TMEM38B: variants seen among roughly 807,000 people sequenced by gnomAD.
The protein encoded by TMEM38B is transmembrane protein 38B.
In TMEM38B, 24 loss-of-function variants were observed where a neutral mutation model predicts 28.7. That is an observed-to-expected ratio of 0.84 (90% CI 0.61 to 1.18). TMEM38B has a LOEUF of 1.18. Among genes scored for constraint, TMEM38B ranks in the 50% most tolerant of loss-of-function variants. The pLI, the probability that TMEM38B is intolerant of heterozygous loss-of-function variation, is 0.00. For missense variants in TMEM38B, 380 were observed against 350.9 expected, an observed-to-expected ratio of 1.08 and a Z score of -0.66; for synonymous variants, 131 against 127.7, an observed-to-expected ratio of 1.03 and a Z score of -0.17.
At chr9:105,737,441 G>A (rs1246707426) in intron 4 of TMEM38B, among the ~76,000 whole-genome samples, 1 of 152,164 alleles carries the variant, frequency 6.6e-6, no homozygotes, top group African/African-American at 2.4e-5. Flanking sequence ...GTAGTATATG[G>A]CAGAGGCCCA....
chr9:105,766,551 TC>T lies in TMEM38B; in HGVS notation c.661-7312del, dbSNP rs1430762420. ...ATAATTTTCTCCCAGTTTATGCTCT[TC>T]CTTTTTCTTTGTTTAGTGTTGTCTT... On this transcript the variant is annotated intron_variant, in intron 5 of 5. Transcript: ENST00000374692. 3.3e-5 allele frequency among the ~76,000 whole-genome samples: 5 copies of T among 152,252 alleles called. No homozygotes were observed. In the East Asian group the frequency reaches 9.7e-4, roughly 29 times the overall value.
chr9:105,773,435 G>A (rs1826623234), intron 5 of TMEM38B, among the ~76,000 whole-genome samples: 1 of 152,146 alleles, frequency 6.6e-6, no homozygotes, highest in Admixed American at 6.6e-5. Flanking sequence ...TTTTGGGCAA[G>A]TTATTTAACC....
At position 105,773,890 on chromosome 9, in the gene TMEM38B, C is replaced by A. The variant is rs996636978; in HGVS notation, c.686C>A (p.Ser229Tyr). 6 of 1,613,606 alleles carry A rather than the reference C, an allele frequency of 3.7e-6. No individual in the cohort carries two copies. The highest frequency in any genetic ancestry group is 5.1e-6 in the Non-Finnish European group (6 of 1,179,666). ...ATAACCATGATGACTACACAGACTT[C>A]TACTATGACATTTGCTCCTTTTGAG... ...TKITMMTTQTSTMTFAPFEDT... is the reference protein window; with the variant it reads ...TKITMMTTQTYTMTFAPFEDT... The change falls in exon 6 of 6, where the codon TCT becomes TAT. Residue 229 changes from serine (S) to tyrosine (Y), a missense_variant. Coordinates refer to ENST00000374692, the MANE Select transcript of TMEM38B (RefSeq NM_018112.3).
intron 5 of TMEM38B, among the ~76,000 whole-genome samples, chr9:105,752,961 T>C (rs746297971): frequency 6.6e-6 from 1 of 152,152 alleles, no homozygotes; most frequent in Non-Finnish European, 1.5e-5. Context: ...ATAGCCAGTT[T>C]AGAGAGGAAC....
intron 4 of TMEM38B, 27 bp from the exon 5 acceptor site, chr9:105,748,046 C>T: frequency 1.4e-6 from 2 of 1,467,430 alleles, no homozygotes; most frequent in Non-Finnish European, 1.9e-6. Context: ...TTATTACTTG[C>T]TGATTTAAAA....
chr9:105,739,374 T>C (rs1173146637), intron 4 of TMEM38B, among the ~76,000 whole-genome samples: 1 of 151,990 alleles, frequency 6.6e-6, no homozygotes, highest in Non-Finnish European at 1.5e-5. Context: ...AATTTGAGGC[T>C]TCCGTAAAAA....
In TMEM38B at chr9:105,776,571, G is replaced by C. The variant is rs976964452; in HGVS notation, c.*2491G>C. ...TGTTGTAAATGGAATAATGTGTTCA[G>C]AATGCTCTTTCTTTCCCCCAATAAA... On this transcript the variant is annotated 3_prime_UTR_variant, in exon 6 of 6. Coordinates refer to ENST00000374692, the MANE Select transcript of TMEM38B (RefSeq NM_018112.3). 6.6e-6 allele frequency: 1 copy of C among 152,082 alleles called. No homozygotes were observed. The highest frequency in any genetic ancestry group is 2.4e-5 in the African/African-American group (1 of 41,402). The allele number at this position is 152,082 out of a possible 1,614,324, so 9.4% of individuals were successfully genotyped here.
chr9:105,763,662 A>G (rs1277756082), intron 5 of TMEM38B, among the ~76,000 whole-genome samples: 3 of 152,212 alleles, frequency 2.0e-5, no homozygotes, highest in Admixed American at 2.0e-4. Flanking sequence ...ACAAGGAGCA[A>G]CTGGTACCAT....
intron 5 of TMEM38B, among the ~76,000 whole-genome samples, chr9:105,773,481 G>C (rs73522017): frequency 6.6e-6 from 1 of 151,986 alleles, no homozygotes; most frequent in Admixed American, 6.6e-5. Flanking sequence ...AATGATGAGG[G>C]TAATAATAGA....
In TMEM38B at chr9:105,747,019, G is replaced by A. The variant is rs569106749; in HGVS notation, c.543-1054G>A. Among the ~76,000 whole-genome samples the A allele has an allele frequency of 3.2e-4, 49 of 152,194 alleles. 1 individual carries two copies. In the South Asian group the frequency reaches 5.8e-3, roughly 18 times the overall value. On this transcript the variant is annotated intron_variant, in intron 4 of 5. Coordinates refer to ENST00000374692, the MANE Select transcript of TMEM38B (RefSeq NM_018112.3). Reference sequence around the variant, plus strand: ...ATTTTTGCATCGATGTTCATCAGGGGTATTGGTCTAAAATTCTCTTTTTTG... The same window carrying A: ...ATTTTTGCATCGATGTTCATCAGGGATATTGGTCTAAAATTCTCTTTTTTG...
intron 4 of TMEM38B, among the ~76,000 whole-genome samples, chr9:105,744,898 C>G (rs1174565268): frequency 6.6e-6 from 1 of 152,154 alleles, no homozygotes; most frequent in Non-Finnish European, 1.5e-5. Flanking sequence ...TCATCCATGT[C>G]CCTACAAAGG....
At position 105,698,905 on chromosome 9, in the gene TMEM38B, T is replaced by C. The variant is rs1047893927; in HGVS notation, c.112+4133T>C. Among the ~76,000 whole-genome samples, 3 of 152,312 alleles carry C rather than the reference T, an allele frequency of 2.0e-5. No homozygotes were observed. In the South Asian group the frequency reaches 6.2e-4, roughly 32 times the overall value. The stretch of plus-strand genomic sequence containing the variant: ...CCAATCCAGACCTAAGTCATTTTGG[T>C]AATTTATGTCTCTCTCAGGAATCAT... On this transcript the variant is annotated intron_variant, in intron 1 of 5. Transcript: ENST00000374692.
chr9:105,769,434 G>A lies in TMEM38B; in HGVS notation c.661-4431G>A, dbSNP rs112500529. 6.5e-3 allele frequency among the ~76,000 whole-genome samples: 987 copies of A among 152,236 alleles called. 5 individuals carry two copies. Among genetic ancestry groups the A allele is most frequent in the Non-Finnish European group, 8.9e-3 (606 of 68,014 alleles). On this transcript the variant is annotated intron_variant, in intron 5 of 5. Transcript: ENST00000374692. ...AGGCTCAAGTGATCTTCCCACCTCA[G>A]CCTCCTGAGTAGTTGGGACTACAGG...
At chr9:105,707,958 T>A (rs1452999942) in intron 2 of TMEM38B, among the ~76,000 whole-genome samples, 1 of 152,236 alleles carries the variant, frequency 6.6e-6, no homozygotes, top group African/African-American at 2.4e-5. Flanking sequence ...TTTTTTGATG[T>A]GTATAGATGC....
Position 105,721,647 on chromosome 9 carries a change from T to A in TMEM38B, c.380T>A (p.Val127Glu), listed in dbSNP as rs1049039879. ...MKEVTRTWKI[V>E]GGVTHANSYY... Reference sequence around the variant, plus strand: ...GAAGTGACCAGAACTTGGAAAATAGTAGGTGGAGTCACACATGCTAATAGC... The same window carrying A: ...GAAGTGACCAGAACTTGGAAAATAGAAGGTGGAGTCACACATGCTAATAGC... The change falls in exon 3 of 6, where the codon GTA (valine) becomes GAA (glutamate). Residue 127 changes from valine to glutamate, a missense_variant. Coordinates refer to ENST00000374692, the MANE Select transcript of TMEM38B (RefSeq NM_018112.3). The A allele has an allele frequency of 1.4e-5, 23 of 1,613,350 alleles. No homozygotes were observed. Among genetic ancestry groups the A allele is most frequent in the Non-Finnish European group, 1.9e-5 (22 of 1,179,536 alleles).
chr9:105,709,286 G>C (rs1835805275), intron 2 of TMEM38B, among the ~76,000 whole-genome samples: 1 of 152,052 alleles, frequency 6.6e-6, no homozygotes, highest in Non-Finnish European at 1.5e-5. Context: ...TACAGTCACT[G>C]CACAATAAAT....
At chr9:105,752,992 G>A (rs1452419078) in intron 5 of TMEM38B, among the ~76,000 whole-genome samples, 1 of 152,140 alleles carries the variant, frequency 6.6e-6, no homozygotes, top group African/African-American at 2.4e-5. Context: ...TGATGGAACT[G>A]GAAAACACAA....
chr9:105,719,553 A>G (rs1303996953), intron 2 of TMEM38B, among the ~76,000 whole-genome samples: 1 of 152,178 alleles, frequency 6.6e-6, no homozygotes, highest in African/African-American at 2.4e-5. Context: ...ACAATAAACA[A>G]TTGTTCTTTT....
At chr9:105,715,832 G>C (rs879599768) in intron 2 of TMEM38B, among the ~76,000 whole-genome samples, 35 of 151,992 alleles carry the variant, frequency 2.3e-4, no homozygotes, top group Non-Finnish European at 4.3e-4. Context: ...TGAAATCATA[G>C]TTTACAGTTT....
Sources: gnomAD v4.1 joint callset for allele counts (sites outside exome capture counted in the v4.1 genomes callset) on GRCh38, gnomAD v4.1.1 for gene constraint, MANE v1.5 for transcripts, NCBI Gene and HGNC (gene_info 2026-07-23, HGNC 2026-07-21) for gene names.